UBN2: variants seen among roughly 807,000 people sequenced by gnomAD.
UBN2 encodes the protein ubinuclein 2, also known as ubinuclein-2.
In UBN2, 35 loss-of-function variants were observed where a neutral mutation model predicts 120.2. That is an observed-to-expected ratio of 0.29 (90% confidence interval 0.22 to 0.39). UBN2 has a LOEUF of 0.39. Ranked by LOEUF, UBN2 falls within the 10% of genes least tolerant of loss-of-function variation. UBN2 has a pLI of 1.00. For missense variants in UBN2, 1,693 were observed against 1,663.2 expected (o/e 1.02, Z -0.31); for synonymous variants, 661 against 648.7 (o/e 1.02, Z -0.29).
At chr7:139,254,933 A>G (rs1796718245) in intron 3 of UBN2, among the ~76,000 whole-genome samples, 1 of 152,244 alleles carries the variant, frequency 6.6e-6, no homozygotes, top group Non-Finnish European at 1.5e-5. Context: ...TGATGAGCCC[A>G]GACATTGTGA....
In UBN2 at chr7:139,293,472, G is replaced by A; in HGVS notation, c.3901+9G>A. On this transcript the variant is annotated intron_variant, in intron 16 of 17. Coordinates refer to ENST00000473989, the MANE Select transcript of UBN2 (RefSeq NM_173569.4). ...CCATAGCCTAACTCAGAGTAAGTGG[G>A]GCTCTTCTATTTGGTTGGGCTGTCT... The A allele has an allele frequency of 6.2e-7, 1 of 1,612,998 alleles. No individual in the cohort carries two copies.
chr7:139,328,508 C>T, the UBN2 span, among the ~76,000 whole-genome samples: 7 of 152,128 alleles, frequency 4.6e-5, no homozygotes, highest in Admixed American at 2.6e-4. Flanking sequence ...ACAGGGACCT[C>T]GGACAGAAGA....
chr7:139,254,871 A>T (rs1431140384), intron 3 of UBN2, among the ~76,000 whole-genome samples: 1 of 152,180 alleles, frequency 6.6e-6, no homozygotes, highest in East Asian at 1.9e-4. Flanking sequence ...GCATGCACAC[A>T]CTGCCTTCCC....
At chr7:139,241,054 G>A (rs1406101642) in intron 2 of UBN2, among the ~76,000 whole-genome samples, 26 of 152,090 alleles carry the variant, frequency 1.7e-4, no homozygotes, top group Admixed American at 1.7e-3. Context: ...AAAACATCTT[G>A]GTTTCCAATT....
intron 15 of UBN2, among the ~76,000 whole-genome samples, chr7:139,290,039 A>G (rs1032517112): frequency 2.0e-5 from 3 of 152,252 alleles, no homozygotes; most frequent in Non-Finnish European, 2.9e-5. Context: ...GATTACAGGC[A>G]TGCGCCACCA....
chr7:139,246,405 T>G (rs1275349555), intron 2 of UBN2, among the ~76,000 whole-genome samples: 2 of 152,150 alleles, frequency 1.3e-5, no homozygotes, highest in African/African-American at 4.8e-5. Context: ...ATTAAGACAT[T>G]CATTATGTTT....
intron 7 of UBN2, among the ~76,000 whole-genome samples, chr7:139,268,004 G>C (rs1487600043): frequency 6.6e-6 from 1 of 152,148 alleles, no homozygotes; most frequent in East Asian, 1.9e-4. Flanking sequence ...CTTTCCACCT[G>C]GGAACCCGAA....
chr7:139,292,596 C>T (rs1335454723), intron 15 of UBN2, among the ~76,000 whole-genome samples: 1 of 151,948 alleles, frequency 6.6e-6, no homozygotes, highest in Non-Finnish European at 1.5e-5. Flanking sequence ...TAGATAGTTG[C>T]TAGGAGTTGG....
intron 15 of UBN2, among the ~76,000 whole-genome samples, 188 bp downstream of exon 15, chr7:139,284,762 G>T (rs1009997472): frequency 2.0e-5 from 3 of 151,988 alleles, no homozygotes; most frequent in Non-Finnish European, 4.4e-5. Context: ...TGAGGTGTTT[G>T]TTGGGATATG....
At chr7:139,267,655 G>T (rs1325358607) in intron 7 of UBN2, among the ~76,000 whole-genome samples, 2 of 152,152 alleles carry the variant, frequency 1.3e-5, no homozygotes, top group African/African-American at 4.8e-5. Context: ...TTTCTCATGA[G>T]ATGTGAAGAA....
Position 139,269,729 on chromosome 7 carries a change from T to A in UBN2, c.1596+206T>A, listed in dbSNP as rs144050424. 6.8e-3 allele frequency among the ~76,000 whole-genome samples: 1,030 copies of A among 152,356 alleles called. 42 individuals carry two copies. The highest frequency in any genetic ancestry group is 0.057 in the Admixed American group (878 of 15,306). On this transcript the variant is annotated intron_variant, in intron 8 of 17. Transcript: ENST00000473989. ...TTAAGTTTAGATGAGAAATGTTTTC[T>A]ACGGCATAGATTGTTGGATGTAAGT...
intron 6 of UBN2, among the ~76,000 whole-genome samples, chr7:139,262,770 A>G (rs1021528801): frequency 3.9e-5 from 6 of 152,034 alleles, no homozygotes; most frequent in African/African-American, 7.2e-5. Flanking sequence ...GATAACATCA[A>G]TAGAGTTGGT....
intron 17 of UBN2, among the ~76,000 whole-genome samples, chr7:139,295,036 C>G (rs1454541141): frequency 1.3e-5 from 2 of 151,858 alleles, no homozygotes; most frequent in African/African-American, 2.4e-5. Context: ...ATCTTTTGAG[C>G]AGAAATAACT....
At chr7:139,266,827 A>G (rs2089434135) in intron 7 of UBN2, among the ~76,000 whole-genome samples, 1 of 152,200 alleles carries the variant, frequency 6.6e-6, no homozygotes, top group Non-Finnish European at 1.5e-5. Context: ...AATTTGTACA[A>G]ACTTTTATAG....
chr7:139,326,980 G>A, the UBN2 span, among the ~76,000 whole-genome samples: 1 of 152,138 alleles, frequency 6.6e-6, no homozygotes, highest in African/African-American at 2.4e-5. Context: ...AATTGTGAGA[G>A]GCACCCCGCA....
rs1302952163 is a variant in UBN2, at chr7:139,301,557, T to G, written c.*3721T>G. The G allele has an allele frequency of 6.6e-6, 1 of 152,248 alleles. No individual in the cohort carries two copies. Among genetic ancestry groups the G allele is most frequent in the Non-Finnish European group, 1.5e-5 (1 of 68,042 alleles). 9.4% of individuals were successfully genotyped at this position (152,248 alleles called of 1,614,324 possible). ...GTTGACTTTAATTTACAGTTCTTTA[T>G]TTCTAGGATGTTTTGTCCTCTAGTT... On this transcript the variant is annotated 3_prime_UTR_variant, in exon 18 of 18. Transcript: ENST00000473989.
At chr7:139,242,951 T>A (rs1796362841) in intron 2 of UBN2, among the ~76,000 whole-genome samples, 1 of 152,196 alleles carries the variant, frequency 6.6e-6, no homozygotes, top group African/African-American at 2.4e-5. Flanking sequence ...GACGACAGGA[T>A]GTTTTCTTCT....
intron 2 of UBN2, among the ~76,000 whole-genome samples, chr7:139,241,946 C>T (rs777309886): frequency 2.6e-5 from 4 of 151,954 alleles, no homozygotes; most frequent in Non-Finnish European, 5.9e-5. Context: ...TGCAGTGAGC[C>T]GAAATCACGC....
At chr7:139,309,413 T>C (rs2131101661), downstream of UBN2, among the ~76,000 whole-genome samples, 1 of 152,318 alleles carries the variant, frequency 6.6e-6, no homozygotes, top group South Asian at 2.1e-4. Flanking sequence ...TTTGCAAAAG[T>C]GTGTTGTTGT....
Sources: gnomAD v4.1 joint callset for allele counts (sites outside exome capture counted in the v4.1 genomes callset) on GRCh38, gnomAD v4.1.1 for gene constraint, MANE v1.5 for transcripts, NCBI Gene and HGNC (gene_info 2026-07-23, HGNC 2026-07-21) for gene names.